The following SNX29 variants were observed in gnomAD, a reference collection of about 807,000 sequenced individuals.
The protein encoded by SNX29 is sorting nexin-29.
A neutral mutation model predicts 102.1 loss-of-function variants in SNX29; 78 were observed. The ratio of observed to expected loss-of-function variants is 0.76; its 90% CI spans 0.64 to 0.92. The LOEUF is 0.92. Ranked by LOEUF, SNX29 falls within the 40% of genes least tolerant of loss-of-function variation. SNX29 has a pLI of 0.00. For synonymous variants in SNX29, 580 were observed against 414.5 expected (o/e 1.40, Z -4.85); for missense variants, 1,280 against 1,061.7 (o/e 1.21, Z -2.86).
intron 19 of SNX29, among the ~76,000 whole-genome samples, chr16:12,495,240 C>G (rs946689889): frequency 6.6e-6 from 1 of 152,160 alleles, no homozygotes; most frequent in African/African-American, 2.4e-5. Context: ...CACCCTCTAC[C>G]TCCCAGGTTC....
intron 13 of SNX29, among the ~76,000 whole-genome samples, chr16:12,136,634 T>C (rs993259305): frequency 6.6e-6 from 1 of 152,208 alleles, no homozygotes; most frequent in Admixed American, 6.5e-5. Flanking sequence ...GCCCTCTGCA[T>C]AGAGCAAAGA....
intron 15 of SNX29, among the ~76,000 whole-genome samples, chr16:12,312,465 A>G (rs2080589394): frequency 6.6e-6 from 1 of 152,178 alleles, no homozygotes; most frequent in African/African-American, 2.4e-5. Flanking sequence ...GTTCGTCTGC[A>G]GGAAGAGCTT....
chr16:12,155,530 A>G (rs535201784), intron 13 of SNX29, among the ~76,000 whole-genome samples: 15 of 152,284 alleles, frequency 9.9e-5, no homozygotes, highest in African/African-American at 3.1e-4. Flanking sequence ...TCTCAGGGCA[A>G]TGATGTTTTC....
intron 19 of SNX29, among the ~76,000 whole-genome samples, chr16:12,506,911 C>T (rs752405453): frequency 1.6e-4 from 24 of 151,918 alleles, no homozygotes; most frequent in Admixed American, 1.3e-4. Context: ...ATCTGTTTTC[C>T]GATCACCACT....
At chr16:12,181,333 G>A (rs2076379571) in intron 13 of SNX29, among the ~76,000 whole-genome samples, 1 of 152,206 alleles carries the variant, frequency 6.6e-6, no homozygotes, top group Non-Finnish European at 1.5e-5. Context: ...GAGACATGAG[G>A]CATCAATCAA....
intron 14 of SNX29, among the ~76,000 whole-genome samples, chr16:12,267,488 A>T (rs564259061): frequency 3.8e-4 from 58 of 152,224 alleles, no homozygotes; most frequent in Admixed American, 9.2e-4. Flanking sequence ...CCAGGCTGTG[A>T]TGTGCTCCTG....
At chr16:12,160,846 A>G (rs1034628045) in intron 13 of SNX29, among the ~76,000 whole-genome samples, 1 of 152,236 alleles carries the variant, frequency 6.6e-6, no homozygotes, top group Non-Finnish European at 1.5e-5. Context: ...TCTTGATGGC[A>G]TTATAGCATC....
At chr16:12,073,869 A>G (rs1383437469) in intron 10 of SNX29, among the ~76,000 whole-genome samples, 1 of 150,956 alleles carries the variant, frequency 6.6e-6, no homozygotes, top group African/African-American at 2.4e-5. Flanking sequence ...GGGTGCATAT[A>G]TATTTAGGAT....
chr16:12,152,950 C>G (rs1386052580), intron 13 of SNX29, among the ~76,000 whole-genome samples: 1 of 152,178 alleles, frequency 6.6e-6, no homozygotes, highest in African/African-American at 2.4e-5. Flanking sequence ...AATTTGAATG[C>G]AGACTCTGCT....
intron 13 of SNX29, among the ~76,000 whole-genome samples, chr16:12,180,539 A>G (rs1347012624): frequency 6.6e-6 from 1 of 151,260 alleles, no homozygotes; most frequent in Non-Finnish European, 1.5e-5. Flanking sequence ...GCTGGAGTGC[A>G]GTGGCGCGAT....
chr16:12,345,459 C>G (rs2081766970), intron 15 of SNX29, among the ~76,000 whole-genome samples: 1 of 152,162 alleles, frequency 6.6e-6, no homozygotes, highest in Non-Finnish European at 1.5e-5. Context: ...AGTGGGAGCT[C>G]TATCTAGCCG....
chr16:12,130,148 A>T (rs1469980003), intron 13 of SNX29, among the ~76,000 whole-genome samples: 2 of 150,788 alleles, frequency 1.3e-5, no homozygotes, highest in African/African-American at 4.9e-5. Flanking sequence ...AACAAAAAAA[A>T]ACCTGAGCAC....
intron 11 of SNX29, among the ~76,000 whole-genome samples, chr16:12,123,838 GTC>G (rs1179329135): frequency 2.0e-5 from 3 of 152,194 alleles, no homozygotes; most frequent in African/African-American, 7.2e-5. Context: ...GGGCCCCATG[GTC>G]TCTGTCAAAA....
intron 20 of SNX29, among the ~76,000 whole-genome samples, chr16:12,525,493 T>C (rs2076754773): frequency 6.6e-6 from 1 of 151,984 alleles, no homozygotes; most frequent in South Asian, 2.1e-4. Context: ...GCCAACATGT[T>C]GAAATCCTGT....
intron 10 of SNX29, among the ~76,000 whole-genome samples, chr16:12,069,975 T>A (rs1418984613): frequency 6.6e-6 from 1 of 152,202 alleles, no homozygotes; most frequent in Non-Finnish European, 1.5e-5. Flanking sequence ...CCCGGCCTGT[T>A]ATTTTCTTAA....
At chr16:12,003,455 T>C (rs1252070773) in intron 3 of SNX29, among the ~76,000 whole-genome samples, 1 of 152,190 alleles carries the variant, frequency 6.6e-6, no homozygotes, top group Non-Finnish European at 1.5e-5. Flanking sequence ...TTATGTAGAA[T>C]TTGTTTTCAA....
chr16:12,240,810 T>G (rs1596601429), intron 14 of SNX29, among the ~76,000 whole-genome samples: 2 of 152,082 alleles, frequency 1.3e-5, no homozygotes, highest in Admixed American at 6.5e-5. Flanking sequence ...TTCACCATGT[T>G]GGCCAGGCTG....
At chr16:12,105,596 A>T (rs776532644) in intron 11 of SNX29, among the ~76,000 whole-genome samples, 1 of 152,114 alleles carries the variant, frequency 6.6e-6, no homozygotes, top group Non-Finnish European at 1.5e-5. Context: ...AGTGACCCTT[A>T]TTAGTCTATA....
intron 7 of SNX29, among the ~76,000 whole-genome samples, chr16:12,049,632 C>T (rs891849002): frequency 6.6e-6 from 1 of 151,630 alleles, no homozygotes; most frequent in Non-Finnish European, 1.5e-5. Context: ...TGTGCCCAGC[C>T]TGTTTTTAAA....
Sources: gnomAD v4.1 joint callset for allele counts (sites outside exome capture counted in the v4.1 genomes callset) on GRCh38, gnomAD v4.1.1 for gene constraint, MANE v1.5 for transcripts, NCBI Gene and HGNC (gene_info 2026-07-23, HGNC 2026-07-21) for gene names.